The following AGBL5 variants were observed in gnomAD, a reference collection of about 807,000 sequenced individuals.
The protein encoded by AGBL5 is AGBL carboxypeptidase 5.
AGBL5 carries 51 observed loss-of-function variants against 88.0 expected under a neutral mutation model. The observed-to-expected ratio is 0.58, with a 90% CI of 0.46 to 0.73. The LOEUF is 0.73. AGBL5 is among the 30% of genes least tolerant of loss of function. The pLI, the probability that AGBL5 is intolerant of heterozygous loss-of-function variation, is 0.00. For missense variants in AGBL5, 1,031 were observed against 1,162.2 expected, an observed-to-expected ratio of 0.89 and a Z score of 1.64; for synonymous variants, 446 against 438.8, an observed-to-expected ratio of 1.02 and a Z score of -0.21.
Position 27,053,235 on chromosome 2 carries a change from G to T in AGBL5, c.215+62G>T, listed in dbSNP as rs758924994. The T allele has an allele frequency of 2.0e-5, 31 of 1,534,092 alleles. No homozygotes were observed. The highest frequency in any genetic ancestry group is 2.6e-5 in the Non-Finnish European group (29 of 1,133,458). On this transcript the variant is annotated intron_variant, in intron 2 of 14. Transcript: ENST00000360131. The surrounding 1 kb of genome is among the most constrained non-coding windows in gnomAD (Gnocchi z 4.9). ...AAACCCATGCTTCAGTTAGCCCTCT[G>T]ACTTATCTGTTCATACCCAGCATAC...
chr2:27,051,209 C>T (rs561071914), upstream of AGBL5, among the ~76,000 whole-genome samples: 19 of 152,310 alleles, frequency 1.2e-4, no homozygotes, highest in East Asian at 7.7e-4. Context: ...AACTAAGCAG[C>T]AGGCGGGGGA....
chr2:27,065,581 A>C (rs1347092462), intron 11 of AGBL5, among the ~76,000 whole-genome samples: 1 of 152,252 alleles, frequency 6.6e-6, no homozygotes, highest in East Asian at 1.9e-4. Context: ...CTCAAGTTCC[A>C]GTTAGAAAAA....
chr2:27,052,099 C>G (rs1327250786), intron 1 of AGBL5: 1 of 152,416 alleles, frequency 6.6e-6, no homozygotes, highest in Non-Finnish European at 1.5e-5. Context: ...GTGGAGAAGC[C>G]AGCCTCCTTC....
chr2:27,054,609 T>C (rs753737309), intron 4 of AGBL5, 21 bp from the exon 5 acceptor site: 1 of 1,605,890 alleles, frequency 6.2e-7, no homozygotes, highest in South Asian at 1.1e-5. Flanking sequence ...TTCTCCTGGC[T>C]TAATTTTTTT....
chr2:27,055,590 T>A (rs1460644159), intron 6 of AGBL5, 92 bp from the exon 7 acceptor site: 1 of 1,176,716 alleles, frequency 8.5e-7, no homozygotes, highest in Non-Finnish European at 1.2e-6. Context: ...ATTTGATAAG[T>A]CAGTCTCCTA....
Position 27,053,423 on chromosome 2 carries a change from C to G in AGBL5, c.237C>G (p.Val79=). The G allele has an allele frequency of 6.2e-7, 1 of 1,614,114 alleles. No homozygotes were observed. Among genetic ancestry groups the G allele is most frequent in the East Asian group, 2.2e-5 (1 of 44,878 alleles). Residue 79 remains valine, a synonymous_variant, in exon 3 of 15, where the codon GTC becomes GTG. Transcript: ENST00000360131. The surrounding 1 kb of genome is among the most constrained non-coding windows in gnomAD (Gnocchi z 4.9). ...NGNRSWFYFS[V]RGGMPGKLIK... ...TCAGGTCATGGTTCTACTTCAGCGT[C>G]CGGGGAGGAATGCCAGGAAAACTCA...
upstream of AGBL5, chr2:27,050,888 A>T (rs1294675409): frequency 6.6e-6 from 1 of 152,144 alleles, no homozygotes; most frequent in East Asian, 1.9e-4. Flanking sequence ...TGTAATTTTT[A>T]ACCTCAATTT....
chr2:27,065,520 G>A (rs1194675878), intron 11 of AGBL5, among the ~76,000 whole-genome samples: 1 of 152,182 alleles, frequency 6.6e-6, no homozygotes. Flanking sequence ...GCATTTTACA[G>A]GCACTGGGAT....
upstream of AGBL5, chr2:27,051,112 A>C (rs144995799): frequency 2.6e-5 from 4 of 152,360 alleles, no homozygotes; most frequent in East Asian, 7.7e-4. Context: ...ATGCCACTGT[A>C]TTGTACTCTG....
Position 27,052,917 on chromosome 2 carries a change from C to G in AGBL5, c.-42C>G, listed in dbSNP as rs1668238056. 3.3e-6 allele frequency: 5 copies of G among 1,505,956 alleles called. No individual in the cohort carries two copies. The East Asian group carries it at 1.2e-4, about 36-fold the overall frequency. 93.3% of individuals were successfully genotyped at this position (1,505,956 alleles called of 1,614,324 possible). Reference sequence around the variant, plus strand: ...CTAACCCTTGTTTTCCCCCAGCTCTCAGGGCCAGAGCGGGGCAGGAGGATG... The same window carrying G: ...CTAACCCTTGTTTTCCCCCAGCTCTGAGGGCCAGAGCGGGGCAGGAGGATG... On this transcript the variant is annotated 5_prime_UTR_variant, in exon 2 of 15. Coordinates refer to ENST00000360131, the MANE Select transcript of AGBL5 (RefSeq NM_021831.6).
chr2:27,062,623 T>A (rs1195206026), intron 11 of AGBL5: 1 of 152,156 alleles, frequency 6.6e-6, no homozygotes, highest in African/African-American at 2.4e-5. Context: ...AACAGGACAG[T>A]AAATACAACA....
chr2:27,059,185 T>C lies in AGBL5; in HGVS notation c.1875-5T>C, dbSNP rs1558418558. The C allele has an allele frequency of 2.5e-6, 4 of 1,611,618 alleles. No homozygotes were observed. Among genetic ancestry groups the C allele is most frequent in the Non-Finnish European group, 3.4e-6 (4 of 1,178,566 alleles). ...CCGGGTTAACTGGCATCTGCTTCTTTGCAGTGGGTTGCCTGTCTCCTGCTC... is the reference window on the plus strand; with the variant it reads ...CCGGGTTAACTGGCATCTGCTTCTTCGCAGTGGGTTGCCTGTCTCCTGCTC... On this transcript the variant is annotated splice_region_variant and splice_polypyrimidine_tract_variant and intron_variant, in intron 10 of 14. Coordinates refer to ENST00000360131, the MANE Select transcript of AGBL5 (RefSeq NM_021831.6).
rs1669182908 is a variant in AGBL5, at chr2:27,069,684, G to C, written c.2467G>C (p.Gly823Arg). 1.9e-6 allele frequency: 3 copies of C among 1,614,094 alleles called. No homozygotes were observed. The East Asian group carries it at 6.7e-5, about 36-fold the overall frequency. ...CAGGGAGAGCAGTGAGCTGGAGCTG[G>C]GATCCTGCTCTGCTACACCAGGGTG... ...RTRESSELELGSCSATPGLPQ... is the reference protein window; with the variant it reads ...RTRESSELELRSCSATPGLPQ... Residue 823 changes from glycine to arginine, a missense_variant, in exon 14 of 15, where the codon GGA (glycine) becomes CGA (arginine). By Grantham distance (125) the Gly-to-Arg change is moderately radical. Transcript: ENST00000360131.
chr2:27,067,037 C>T (rs1202950078), intron 11 of AGBL5, among the ~76,000 whole-genome samples: 2 of 151,888 alleles, frequency 1.3e-5, no homozygotes, highest in African/African-American at 2.4e-5. Context: ...GAACCAAGAT[C>T]GCACCACCAC....
At chr2:27,055,550 C>A (rs921304667) in intron 6 of AGBL5, 132 bp from the exon 7 acceptor site, 2 of 926,592 alleles carry the variant, frequency 2.2e-6, no homozygotes, top group African/African-American at 1.7e-5. Flanking sequence ...GTCTTCAATT[C>A]TTTCTTTCCT....
At chr2:27,056,933 T>C (rs1404462676) in intron 8 of AGBL5, 141 bp downstream of exon 8, 5 of 1,004,724 alleles carry the variant, frequency 5.0e-6, no homozygotes, top group African/African-American at 5.0e-5. Context: ...GAGGCAGAGG[T>C]TGTGGCGAGC....
At chr2:27,059,520 T>A in intron 11 of AGBL5, 116 bp downstream of exon 11, 1 of 1,546,070 alleles carries the variant, frequency 6.5e-7, no homozygotes, top group Non-Finnish European at 8.7e-7. Context: ...ATCAATAAAA[T>A]TAGTTTGTAG....
At chr2:27,068,790 C>T in intron 13 of AGBL5, 46 bp downstream of exon 13, 1 of 1,608,240 alleles carries the variant, frequency 6.2e-7, no homozygotes, top group Non-Finnish European at 8.5e-7. Context: ...CAGAACCCAG[C>T]AAGGCACTGT....
At chr2:27,059,152 T>G (rs768033655) in intron 10 of AGBL5, 38 bp from the exon 11 acceptor site, 1 of 1,596,540 alleles carries the variant, frequency 6.3e-7, no homozygotes, top group Admixed American at 1.7e-5. Flanking sequence ...GGACACAACC[T>G]TCCTGGCCCG....
Sources: allele counts gnomAD v4.1 joint callset (sites outside exome capture counted in the v4.1 genomes callset), GRCh38; gene constraint gnomAD v4.1.1; non-coding constraint Gnocchi (gnomAD v3.1); transcripts MANE v1.5; gene names NCBI Gene and HGNC (gene_info 2026-07-23, HGNC 2026-07-21).